Variants in GNAO1 observed in about 807,000 individuals in gnomAD.
GNAO1 encodes the protein G protein subunit alpha o1.
For missense variants in GNAO1, 166 were observed against 478.7 expected (o/e 0.35, Z 6.10); for synonymous variants, 164 against 180.7 (o/e 0.91, Z 0.74).
intron 6 of GNAO1, chr16:56,340,538 C>G: frequency 2.6e-6 from 1 of 388,780 alleles, no homozygotes; most frequent in Non-Finnish European, 4.7e-6. Flanking sequence ...GAGCTGGAGC[C>G]TCTCCAGTGA....
At chr16:56,192,784 C>T (rs1596788089) in intron 2 of GNAO1, 168 bp downstream of exon 2, 1 of 612,698 alleles carries the variant, frequency 1.6e-6, no homozygotes, top group East Asian at 2.8e-5. Flanking sequence ...CCACTCCCTA[C>T]GTTGGTTCTG....
At chr16:56,307,487 G>C (rs1017024163) in intron 3 of GNAO1, 1 of 152,154 alleles carries the variant, frequency 6.6e-6, no homozygotes, top group Non-Finnish European at 1.5e-5. Flanking sequence ...ACATAGATCT[G>C]GGCACATGCA....
At chr16:56,210,679 C>T (rs1567439533) in intron 2 of GNAO1, among the ~76,000 whole-genome samples, 1 of 152,210 alleles carries the variant, frequency 6.6e-6, no homozygotes. Context: ...TGATGCGGAG[C>T]ATCTTTTCAT....
intron 2 of GNAO1, among the ~76,000 whole-genome samples, chr16:56,205,300 G>A (rs1476850850): frequency 6.6e-6 from 1 of 152,314 alleles, no homozygotes; most frequent in East Asian, 1.9e-4. Context: ...GAATTCACGT[G>A]GAAAGAAAAA....
intron 2 of GNAO1, among the ~76,000 whole-genome samples, chr16:56,232,710 T>C (rs2036601532): frequency 6.6e-6 from 1 of 152,204 alleles, no homozygotes; most frequent in Non-Finnish European, 1.5e-5. Flanking sequence ...TTTTATACAG[T>C]TATGGCTTTT....
chr16:56,266,594 A>G (rs1454512476), intron 2 of GNAO1, among the ~76,000 whole-genome samples: 1 of 152,242 alleles, frequency 6.6e-6, no homozygotes, highest in Non-Finnish European at 1.5e-5. Context: ...TTGGGAAACA[A>G]GACTAGTGGT....
At position 56,244,822 on chromosome 16, in the gene GNAO1, G is replaced by A. The variant is rs541211027; in HGVS notation, c.162-31109G>A. 1.4e-4 allele frequency among the ~76,000 whole-genome samples: 21 copies of A among 152,184 alleles called. No individual in the cohort carries two copies. The South Asian group carries it at 3.5e-3, about 26-fold the overall frequency. The stretch of plus-strand genomic sequence containing the variant: ...TGTCAGGAGCATGGACAGAGCTCCC[G>A]GTGCTCAGAGTCCACCACCGCTTCT... On this transcript the variant is annotated intron_variant, in intron 2 of 8. Coordinates refer to ENST00000262493, the MANE Select transcript of GNAO1 (RefSeq NM_020988.3).
At chr16:56,259,007 C>T (rs1431295097) in intron 2 of GNAO1, among the ~76,000 whole-genome samples, 1 of 152,216 alleles carries the variant, frequency 6.6e-6, no homozygotes, top group East Asian at 1.9e-4. Flanking sequence ...CACACATACG[C>T]GTGGCTTTAG....
intron 2 of GNAO1, among the ~76,000 whole-genome samples, chr16:56,243,769 G>A (rs1265119665): frequency 6.6e-6 from 1 of 152,126 alleles, no homozygotes; most frequent in Non-Finnish European, 1.5e-5. Flanking sequence ...AAACTAAATT[G>A]TATACTCTAA....
At chr16:56,337,433 C>T (rs1490683290) in intron 6 of GNAO1, among the ~76,000 whole-genome samples, 1 of 152,104 alleles carries the variant, frequency 6.6e-6, no homozygotes, top group African/African-American at 2.4e-5. Flanking sequence ...GAGTGACAGT[C>T]GTGGCTCTGG....
rs146939361 is a variant in GNAO1, at chr16:56,224,115, G to T, written c.161+31499G>T. On this transcript the variant is annotated intron_variant, in intron 2 of 8. Coordinates refer to ENST00000262493, the MANE Select transcript of GNAO1 (RefSeq NM_020988.3). Reference sequence around the variant, plus strand: ...CCAGGATGTGGCCAGTGCCTGTCTGGCCAGTACGTCTTCCTCTGGACCAGG... The same window carrying T: ...CCAGGATGTGGCCAGTGCCTGTCTGTCCAGTACGTCTTCCTCTGGACCAGG... 2.1e-3 allele frequency among the ~76,000 whole-genome samples: 324 copies of T among 152,308 alleles called. 2 individuals carry two copies. The highest frequency in any genetic ancestry group is 6.9e-3 in the African/African-American group (288 of 41,560).
intron 6 of GNAO1, 50 bp downstream of exon 6, chr16:56,336,910 G>C: frequency 6.4e-7 from 1 of 1,555,072 alleles, no homozygotes; most frequent in Non-Finnish European, 8.7e-7. Flanking sequence ...GGAGACGGCC[G>C]CAGGATAGGC....
intron 3 of GNAO1, among the ~76,000 whole-genome samples, chr16:56,323,399 A>G (rs1445470636): frequency 1.3e-5 from 2 of 152,212 alleles, no homozygotes; most frequent in Admixed American, 6.5e-5. Context: ...ATGACTTCAG[A>G]TAGTGTGGAG....
chr16:56,342,191 G>A (rs1288571662), intron 6 of GNAO1, among the ~76,000 whole-genome samples: 1 of 152,182 alleles, frequency 6.6e-6, no homozygotes, highest in South Asian at 2.1e-4. Flanking sequence ...AGGTGGGGTC[G>A]GTCAGTTACC....
chr16:56,250,261 G>A (rs1165278654), intron 2 of GNAO1, among the ~76,000 whole-genome samples: 1 of 152,104 alleles, frequency 6.6e-6, no homozygotes, highest in African/African-American at 2.4e-5. Flanking sequence ...CCTTATTTGG[G>A]GATCTTCTTG....
At chr16:56,292,887 C>A (rs1341211268) in intron 3 of GNAO1, among the ~76,000 whole-genome samples, 6 of 152,214 alleles carry the variant, frequency 3.9e-5, no homozygotes, top group African/African-American at 1.2e-4. Context: ...CCTGCTGTAA[C>A]CAGCAGCCCC....
At chr16:56,227,712 A>AAAG (rs869037372) in intron 2 of GNAO1, among the ~76,000 whole-genome samples, 1 of 148,154 alleles carries the variant, frequency 6.7e-6, no homozygotes, top group African/African-American at 2.5e-5. Context: ...AAAAAAAAAA[A>AAAG]GAATTATGGT....
At chr16:56,343,403 A>T (rs1252074178) in intron 6 of GNAO1, among the ~76,000 whole-genome samples, 1 of 150,144 alleles carries the variant, frequency 6.7e-6, no homozygotes, top group Non-Finnish European at 1.5e-5. Context: ...AGTATTAGTC[A>T]CTTGAGCCCA....
intron 2 of GNAO1, among the ~76,000 whole-genome samples, chr16:56,199,898 G>A (rs1264813362): frequency 6.6e-6 from 1 of 152,174 alleles, no homozygotes; most frequent in Non-Finnish European, 1.5e-5. Flanking sequence ...AATCTTGCAA[G>A]GCTAATAGTT....
Sources: allele counts gnomAD v4.1 joint callset (sites outside exome capture counted in the v4.1 genomes callset), GRCh38; gene constraint gnomAD v4.1.1; transcripts MANE v1.5; gene names NCBI Gene and HGNC (gene_info 2026-07-23, HGNC 2026-07-21).